The following CNTNAP2 variants were observed in gnomAD, a reference collection of about 807,000 sequenced individuals.
CNTNAP2 encodes contactin associated protein 2.
CNTNAP2 carries 98 observed loss-of-function variants against 155.2 expected under a neutral mutation model. The observed-to-expected ratio is 0.63, with a 90% CI of 0.54 to 0.75. CNTNAP2 has a LOEUF of 0.75. CNTNAP2 is among the 30% of genes least tolerant of loss of function. CNTNAP2 has a pLI of 0.00. For synonymous variants in CNTNAP2, 651 were observed against 631.2 expected, an observed-to-expected ratio of 1.03 and a Z score of -0.47; for missense variants, 1,727 against 1,688.1, an observed-to-expected ratio of 1.02 and a Z score of -0.40.
At chr7:148,077,966 C>G (rs535706811) in intron 15 of CNTNAP2, among the ~76,000 whole-genome samples, 3 of 151,798 alleles carry the variant, frequency 2.0e-5, no homozygotes, top group South Asian at 2.1e-4. Flanking sequence ...CACAGAGTTA[C>G]TATAATTGGA....
intron 1 of CNTNAP2, among the ~76,000 whole-genome samples, chr7:146,447,744 G>A (rs73738774): frequency 0.017 from 2,586 of 151,920 alleles, 75 homozygotes; most frequent in African/African-American, 0.058. Context: ...CAAAGGCCAA[G>A]CAGAAATCTG....
chr7:147,685,590 T>G (rs1796006429), intron 13 of CNTNAP2, among the ~76,000 whole-genome samples: 1 of 151,518 alleles, frequency 6.6e-6, no homozygotes, highest in Non-Finnish European at 1.5e-5. Flanking sequence ...GCACATCAGA[T>G]AACACAGTGA....
At chr7:147,072,448 C>A (rs942145494) in intron 4 of CNTNAP2, among the ~76,000 whole-genome samples, 1 of 150,984 alleles carries the variant, frequency 6.6e-6, no homozygotes, top group Non-Finnish European at 1.5e-5. Context: ...TCTGGGTAAG[C>A]CTTGCTCTGG....
intron 8 of CNTNAP2, among the ~76,000 whole-genome samples, chr7:147,257,116 A>G (rs1222128851): frequency 2.0e-5 from 3 of 152,196 alleles, no homozygotes; most frequent in African/African-American, 4.8e-5. Flanking sequence ...TGGGGGAAAA[A>G]GTCTCATTGG....
chr7:146,967,360 C>T (rs529701972), intron 3 of CNTNAP2, among the ~76,000 whole-genome samples: 1 of 152,228 alleles, frequency 6.6e-6, no homozygotes, highest in East Asian at 1.9e-4. Context: ...TCATTGGTAG[C>T]TTGATGGGGA....
chr7:147,890,945 AATG>A (rs561430245), intron 13 of CNTNAP2, among the ~76,000 whole-genome samples: 4 of 152,220 alleles, frequency 2.6e-5, no homozygotes, highest in African/African-American at 4.8e-5. Flanking sequence ...GTACACAAAA[AATG>A]ATAAGTACGT....
At chr7:148,220,830 T>C (rs1025899979) in intron 19 of CNTNAP2, among the ~76,000 whole-genome samples, 3 of 152,152 alleles carry the variant, frequency 2.0e-5, no homozygotes, top group Non-Finnish European at 4.4e-5. Context: ...ATCAGTTTAT[T>C]TCTCCTGGAT....
At chr7:146,521,041 G>A (rs948434815) in intron 1 of CNTNAP2, among the ~76,000 whole-genome samples, 6 of 151,920 alleles carry the variant, frequency 3.9e-5, no homozygotes, top group Non-Finnish European at 8.8e-5. Context: ...AGGAACAAGA[G>A]TTCAGGAACA....
intron 21 of CNTNAP2, among the ~76,000 whole-genome samples, chr7:148,365,071 T>A (rs910240820): frequency 1.3e-5 from 2 of 152,188 alleles, no homozygotes; most frequent in Non-Finnish European, 2.9e-5. Context: ...CGCGGCTTCA[T>A]TCTTGAAGTC....
chr7:148,217,607 G>A lies in CNTNAP2; in HGVS notation c.3247+83G>A, dbSNP rs111867734. On this transcript the variant is annotated intron_variant, in intron 19 of 23. Coordinates refer to ENST00000361727, the MANE Select transcript of CNTNAP2 (RefSeq NM_014141.6). ...AGCAAGAGTCTATAGATTGTTCTTG[G>A]TTTGTTATTTATTCCCCATAGGCTT... 1,086 of 1,462,522 alleles carry A rather than the reference G, an allele frequency of 7.4e-4. 7 individuals are homozygous for A. The African/African-American group carries it at 0.013, about 17-fold the overall frequency. The allele number at this position is 1,462,522 out of a possible 1,614,324, so 90.6% of individuals were successfully genotyped here.
intron 12 of CNTNAP2, among the ~76,000 whole-genome samples, chr7:147,568,930 A>G (rs993576574): frequency 3.0e-4 from 46 of 152,068 alleles, no homozygotes; most frequent in African/African-American, 1.0e-3. Flanking sequence ...TCTATCCTCT[A>G]ACTCATTTTC....
chr7:146,688,697 G>T (rs1441892198), intron 1 of CNTNAP2, among the ~76,000 whole-genome samples: 1 of 152,076 alleles, frequency 6.6e-6, no homozygotes, highest in African/African-American at 2.4e-5. Flanking sequence ...GTTGCTTCAG[G>T]CCATCTGGAT....
intron 1 of CNTNAP2, among the ~76,000 whole-genome samples, chr7:146,692,294 A>G (rs1800711567): frequency 6.6e-6 from 1 of 152,116 alleles, no homozygotes; most frequent in Non-Finnish European, 1.5e-5. Flanking sequence ...TTGATGTTGT[A>G]TTTGAATTGA....
intron 21 of CNTNAP2, among the ~76,000 whole-genome samples, chr7:148,347,360 C>T (rs1018870230): frequency 2.0e-5 from 3 of 152,084 alleles, no homozygotes; most frequent in Admixed American, 2.0e-4. Flanking sequence ...GATGAGGGCA[C>T]AATTACAAAT....
At chr7:147,176,431 G>A (rs990050801) in intron 8 of CNTNAP2, among the ~76,000 whole-genome samples, 51 of 151,664 alleles carry the variant, frequency 3.4e-4, no homozygotes, top group African/African-American at 1.2e-3. Flanking sequence ...TGATAATTTA[G>A]ATATTGTGCA....
chr7:147,720,757 A>G (rs965188962), intron 13 of CNTNAP2, among the ~76,000 whole-genome samples: 18 of 152,138 alleles, frequency 1.2e-4, no homozygotes, highest in African/African-American at 3.9e-4. Context: ...ACCTTCTGCC[A>G]TGATGAGGCC....
chr7:146,924,756 G>A (rs914640503), intron 3 of CNTNAP2, among the ~76,000 whole-genome samples: 3 of 151,926 alleles, frequency 2.0e-5, no homozygotes, highest in African/African-American at 7.3e-5. Flanking sequence ...CTCATTTAAA[G>A]ACCTGAAGAG....
chr7:146,704,431 G>A (rs1242445704), intron 1 of CNTNAP2, among the ~76,000 whole-genome samples: 1 of 152,134 alleles, frequency 6.6e-6, no homozygotes, highest in Non-Finnish European at 1.5e-5. Context: ...TTTGCAGTTA[G>A]AGGCAATCTT....
chr7:148,164,170 G>A (rs1314597411), intron 17 of CNTNAP2, among the ~76,000 whole-genome samples: 1 of 152,096 alleles, frequency 6.6e-6, no homozygotes, highest in South Asian at 2.1e-4. Flanking sequence ...CCTGACCTCA[G>A]TGATCTGTCT....
Sources: allele counts gnomAD v4.1 joint callset (sites outside exome capture counted in the v4.1 genomes callset), GRCh38; gene constraint gnomAD v4.1.1; transcripts MANE v1.5; gene names NCBI Gene and HGNC (gene_info 2026-07-23, HGNC 2026-07-21).